C4orf51: variants seen among roughly 807,000 people sequenced by gnomAD.
C4orf51 encodes chromosome 4 open reading frame 51.
Under a neutral mutation model 25.2 loss-of-function variants are expected in C4orf51, and 25 were observed. That is an observed-to-expected ratio of 0.99 (90% CI 0.72 to 1.39). The LOEUF (loss-of-function observed/expected upper bound fraction) is 1.39, where lower values mean the gene tolerates loss of function less well. Ranked by LOEUF, C4orf51 falls within the 40% of genes most tolerant of loss-of-function variation. C4orf51 has a pLI of 0.00. For missense variants in C4orf51, 252 were observed against 239.6 expected (o/e 1.05, Z -0.34); for synonymous variants, 100 against 84.5 (o/e 1.18, Z -1.01).
the C4orf51 span, among the ~76,000 whole-genome samples, chr4:145,781,268 A>G: frequency 1.3e-5 from 2 of 151,256 alleles, no homozygotes; most frequent in African/African-American, 4.9e-5. Context: ...TGGGTCAGAG[A>G]TAACATCAGA....
At chr4:145,789,856 T>C in the C4orf51 span, among the ~76,000 whole-genome samples, 1 of 152,216 alleles carries the variant, frequency 6.6e-6, no homozygotes, top group East Asian at 1.9e-4. Flanking sequence ...TGAGGCAACC[T>C]AAATGCTTCC....
At chr4:145,737,599 GT>G (rs1732873519), downstream of C4orf51, among the ~76,000 whole-genome samples, 1 of 152,134 alleles carries the variant, frequency 6.6e-6, no homozygotes, top group Non-Finnish European at 1.5e-5. Context: ...CTAAGGGCTT[GT>G]ATGTCTGAGA....
chr4:145,704,538 C>T (rs1296993624), intron 2 of C4orf51, among the ~76,000 whole-genome samples: 1 of 152,136 alleles, frequency 6.6e-6, no homozygotes. Flanking sequence ...ACTGTATATG[C>T]GTGGGTTTAT....
Position 145,696,564 on chromosome 4 carries a change from C to T in C4orf51, c.239C>T (p.Ser80Leu), listed in dbSNP as rs1339939426. The part of the protein sequence containing the change: ...GQHEPECKQM[S>L]LTNSSACHLL... Reference sequence around the variant, plus strand: ...CTTCTACTTGCTTTCCTTAGGATGTCATTGACAAACAGTTCTGCCTGTCAT... The same window carrying T: ...CTTCTACTTGCTTTCCTTAGGATGTTATTGACAAACAGTTCTGCCTGTCAT... Residue 80 changes from serine (S) to leucine (L), a missense_variant, in exon 2 of 6, where the codon TCA becomes TTA. Transcript: ENST00000438731. The T allele has an allele frequency of 3.1e-6, 5 of 1,612,798 alleles. No individual in the cohort carries two copies. In the East Asian group the frequency reaches 8.9e-5, roughly 29 times the overall value.
chr4:145,734,570 A>C (rs1310247792), downstream of C4orf51, among the ~76,000 whole-genome samples: 1 of 152,096 alleles, frequency 6.6e-6, no homozygotes, highest in African/African-American at 2.4e-5. Context: ...CTGTTTGCGG[A>C]GTTAGAGCCC....
At chr4:145,774,818 A>G, downstream of C4orf51, 2 of 950,156 alleles carry the variant, frequency 2.1e-6, no homozygotes, top group Middle Eastern at 2.3e-4. Context: ...TTGCATTAGA[A>G]AATTCTTCTG....
At chr4:145,773,816 G>C (rs1033513658), downstream of C4orf51, among the ~76,000 whole-genome samples, 4 of 152,302 alleles carry the variant, frequency 2.6e-5, no homozygotes, top group African/African-American at 4.8e-5. Context: ...TCATTAAGGA[G>C]AGCGTCAGGG....
At chr4:145,750,676 A>G (rs1733624678) in intron 1 of C4orf51, among the ~76,000 whole-genome samples, 1 of 152,028 alleles carries the variant, frequency 6.6e-6, no homozygotes, top group African/African-American at 2.4e-5. Context: ...GAATGTTGGT[A>G]TCTTTCTCTA....
the C4orf51 span, among the ~76,000 whole-genome samples, chr4:145,778,702 G>A: frequency 6.6e-6 from 1 of 152,036 alleles, no homozygotes; most frequent in Non-Finnish European, 1.5e-5. Flanking sequence ...TCTTTATTTT[G>A]AACTTTTCTT....
intron 1 of C4orf51, chr4:145,760,741 T>G: frequency 3.9e-6 from 4 of 1,017,184 alleles, no homozygotes; most frequent in Non-Finnish European, 4.8e-6. Context: ...TTTTTTTGTC[T>G]TTTGTCTCTC....
At chr4:145,751,709 T>C (rs753256958) in intron 1 of C4orf51, among the ~76,000 whole-genome samples, 1 of 152,240 alleles carries the variant, frequency 6.6e-6, no homozygotes, top group Non-Finnish European at 1.5e-5. Context: ...GCCAGGCTTA[T>C]GTCCTTCCTT....
At chr4:145,748,940 G>A (rs944149812) in intron 1 of C4orf51, among the ~76,000 whole-genome samples, 10 of 152,030 alleles carry the variant, frequency 6.6e-5, no homozygotes, top group African/African-American at 2.4e-4. Flanking sequence ...CTGTCTGGAA[G>A]ATATATCCAA....
At chr4:145,742,880 T>C (rs1242215488) in intron 1 of C4orf51, among the ~76,000 whole-genome samples, 3 of 152,184 alleles carry the variant, frequency 2.0e-5, no homozygotes, top group Admixed American at 6.5e-5. Context: ...GTGATCCACC[T>C]GGTGAGGATG....
In C4orf51 at chr4:145,728,066, A is replaced by G. The variant is rs111316794; in HGVS notation, c.366+1097A>G. ...TATATATACACACACACACACACAC[A>G]CACGCCATATAAGGAGGCATTTAAG... On this transcript the variant is annotated intron_variant, in intron 3 of 5. Transcript: ENST00000438731. Among the ~76,000 whole-genome samples the G allele has an allele frequency of 7.6e-3, 1,095 of 143,154 alleles. 20 individuals carry two copies. The highest frequency in any genetic ancestry group is 0.027 in the African/African-American group (1,036 of 38,704). The allele number at this position is 143,154 out of a possible 152,430, so 93.9% of individuals were successfully genotyped here.
the C4orf51 span, among the ~76,000 whole-genome samples, chr4:145,778,430 G>C: frequency 2.6e-4 from 39 of 152,212 alleles, no homozygotes; most frequent in Non-Finnish European, 4.7e-4. Flanking sequence ...CATCGCGCCC[G>C]ACAACAAAAA....
intron 3 of C4orf51, among the ~76,000 whole-genome samples, chr4:145,727,752 C>T (rs1414917402): frequency 6.7e-6 from 1 of 149,080 alleles, no homozygotes; most frequent in Non-Finnish European, 1.5e-5. Context: ...CATGATGGTG[C>T]GTGCCTGTAA....
chr4:145,725,877 T>C (rs1157939576), intron 2 of C4orf51, among the ~76,000 whole-genome samples: 1 of 152,176 alleles, frequency 6.6e-6, no homozygotes, highest in Admixed American at 6.6e-5. Flanking sequence ...CCTGATAAGT[T>C]TACTTAATTC....
intron 1 of C4orf51, among the ~76,000 whole-genome samples, chr4:145,695,769 A>G (rs1730007467): frequency 6.6e-6 from 1 of 152,258 alleles, no homozygotes; most frequent in Admixed American, 6.5e-5. Flanking sequence ...CCTAAATGAC[A>G]ATCAATGACA....
intron 2 of C4orf51, among the ~76,000 whole-genome samples, chr4:145,720,508 C>A (rs911182935): frequency 2.0e-5 from 3 of 152,184 alleles, no homozygotes; most frequent in Admixed American, 1.3e-4. Flanking sequence ...TTCCACCTGT[C>A]GGCTGAGCTG....
Sources: allele counts gnomAD v4.1 joint callset (sites outside exome capture counted in the v4.1 genomes callset), GRCh38; gene constraint gnomAD v4.1.1; transcripts MANE v1.5; gene names NCBI Gene and HGNC (gene_info 2026-07-23, HGNC 2026-07-21).